COLEC12: variants seen among roughly 807,000 people sequenced by gnomAD.
COLEC12 encodes collectin subfamily member 12.
Under a neutral mutation model 71.1 loss-of-function variants are expected in COLEC12, and 33 were observed. The observed-to-expected ratio is 0.46, with a 90% CI of 0.35 to 0.62. The LOEUF (loss-of-function observed/expected upper bound fraction) is 0.62, where lower values mean the gene tolerates loss of function less well. Ranked by LOEUF, COLEC12 falls within the 20% of genes least tolerant of loss-of-function variation. COLEC12 has a pLI of 0.00. For missense variants in COLEC12, 765 were observed against 916.1 expected, an observed-to-expected ratio of 0.84 and a Z score of 2.13; for synonymous variants, 350 against 353.0, an observed-to-expected ratio of 0.99 and a Z score of 0.10.
In COLEC12 at chr18:327,991, T is replaced by C. The variant is rs1319707481; in HGVS notation, c.2063+3677A>G. On this transcript the variant is annotated intron_variant, in intron 8 of 9. Transcript: ENST00000400256. The surrounding 1 kb of genome is among the most constrained non-coding windows in gnomAD (Gnocchi z 4.0). ...CTTTGTTATTAGGCTGGCCAGGCTA[T>C]TTCTTCCTTTTTTTTTCCTCGTTTT... Among the ~76,000 whole-genome samples the C allele has an allele frequency of 6.6e-6, 1 of 152,158 alleles. No homozygotes were observed. Among genetic ancestry groups the C allele is most frequent in the Non-Finnish European group, 1.5e-5 (1 of 68,020 alleles).
chr18:351,114 C>A (rs694372), intron 3 of COLEC12, among the ~76,000 whole-genome samples: 88,879 of 151,962 alleles, frequency 0.58, 26,708 homozygotes, highest in African/African-American at 0.67. Flanking sequence ...GTAGTAAGTT[C>A]CCATGTGTTT....
At chr18:359,159 A>G (rs554867471) in intron 2 of COLEC12, among the ~76,000 whole-genome samples, 68 of 152,202 alleles carry the variant, frequency 4.5e-4, no homozygotes, top group Non-Finnish European at 9.1e-4. Flanking sequence ...GTTGGTTCCT[A>G]CTGGCTTGTA....
intron 8 of COLEC12, among the ~76,000 whole-genome samples, chr18:331,358 T>C (rs894717176): frequency 5.3e-5 from 8 of 152,212 alleles, no homozygotes; most frequent in African/African-American, 9.6e-5. Flanking sequence ...TCTTTTCCCA[T>C]AGCATTTAAA....
At chr18:439,893 A>C (rs1916480498) in intron 2 of COLEC12, among the ~76,000 whole-genome samples, 1 of 152,208 alleles carries the variant, frequency 6.6e-6, no homozygotes, top group African/African-American at 2.4e-5. Flanking sequence ...CTGCACTCCC[A>C]TGTTCATTGC....
chr18:412,789 G>A (rs571762284), intron 2 of COLEC12, among the ~76,000 whole-genome samples: 2 of 152,184 alleles, frequency 1.3e-5, no homozygotes, highest in East Asian at 3.9e-4. Flanking sequence ...AGCACCTAAA[G>A]CAACCACTAA....
chr18:431,792 G>A (rs1567906154), intron 2 of COLEC12, among the ~76,000 whole-genome samples: 1 of 152,202 alleles, frequency 6.6e-6, no homozygotes, highest in African/African-American at 2.4e-5. Context: ...GAAAGCAGTA[G>A]CGGCAGTAGA....
intron 2 of COLEC12, among the ~76,000 whole-genome samples, chr18:375,382 C>T (rs1363435875): frequency 1.3e-5 from 2 of 152,122 alleles, no homozygotes; most frequent in East Asian, 1.9e-4. Context: ...TCCCTTTTTT[C>T]GGGTTTTTAC....
At chr18:468,969 A>G (rs1056471183) in intron 2 of COLEC12, among the ~76,000 whole-genome samples, 20 of 152,274 alleles carry the variant, frequency 1.3e-4, no homozygotes, top group Non-Finnish European at 2.4e-4. Context: ...ATTAATCAGC[A>G]GAGTGGCTTC....
chr18:386,335 T>C (rs940607552), intron 2 of COLEC12, among the ~76,000 whole-genome samples: 3 of 152,210 alleles, frequency 2.0e-5, no homozygotes, highest in African/African-American at 7.2e-5. Context: ...ACGTGGTCAC[T>C]GCCATCTTGG....
intron 2 of COLEC12, among the ~76,000 whole-genome samples, chr18:465,256 C>T (rs1315696125): frequency 6.6e-6 from 1 of 152,116 alleles, no homozygotes; most frequent in South Asian, 2.1e-4. Context: ...GCATGCACCA[C>T]CACACCTGGA....
Position 488,880 on chromosome 18 carries a change from A to AT in COLEC12, c.8-8124_8-8123insA, listed in dbSNP as rs1468644546. The stretch of plus-strand genomic sequence containing the variant: ...AGAGCAAGACTCTGTTTCAAAAAAA[A>AT]GAAAAAAAAAAGAAAAGAAAATCAA... On this transcript the variant is annotated intron_variant, in intron 1 of 9. Coordinates refer to ENST00000400256, the MANE Select transcript of COLEC12 (RefSeq NM_130386.3). Among the ~76,000 whole-genome samples the AT allele has an allele frequency of 1.5e-3, 130 of 88,772 alleles. 2 individuals are homozygous for AT. Among genetic ancestry groups the AT allele is most frequent in the African/African-American group, 6.0e-3 (123 of 20,596 alleles). The allele number at this position is 88,772 out of a possible 152,430, so 58.2% of individuals were successfully genotyped here. A position where few individuals can be genotyped will look rare whatever the true frequency, so the allele number is the denominator to read the frequency against.
intron 1 of COLEC12, among the ~76,000 whole-genome samples, chr18:497,383 G>GGGGTGTGT (rs373079894): frequency 3.4e-5 from 5 of 147,160 alleles, no homozygotes; most frequent in Admixed American, 6.7e-5. Context: ...TAAAGAATGG[G>GGGGTGTGT]GTGTGTGTGT....
intron 2 of COLEC12, among the ~76,000 whole-genome samples, chr18:410,278 A>G (rs1915867222): frequency 6.6e-6 from 1 of 152,204 alleles, no homozygotes; most frequent in African/African-American, 2.4e-5. Flanking sequence ...TTCCACTTGT[A>G]GAAGATGAAG....
intron 2 of COLEC12, among the ~76,000 whole-genome samples, chr18:413,149 G>A (rs546977527): frequency 1.6e-4 from 24 of 152,220 alleles, no homozygotes; most frequent in African/African-American, 3.4e-4. Flanking sequence ...TTAACTGAAC[G>A]ACAAAAATAC....
rs541999035 is a variant in COLEC12, at chr18:403,194, A to G, written c.59-45672T>C. Among the ~76,000 whole-genome samples, 27 of 152,316 alleles carry G rather than the reference A, an allele frequency of 1.8e-4. No individual in the cohort carries two copies. In the Middle Eastern group the frequency reaches 0.014, roughly 77 times the overall value. On this transcript the variant is annotated intron_variant, in intron 2 of 9. Transcript: ENST00000400256. Reference sequence around the variant, plus strand: ...ACTGGCAACATATTTCAGGACCTACATGATTTTCTCCATGGTTTGTTACAT... The same window carrying G: ...ACTGGCAACATATTTCAGGACCTACGTGATTTTCTCCATGGTTTGTTACAT...
chr18:400,984 C>T (rs4798135), intron 2 of COLEC12, among the ~76,000 whole-genome samples: 151,234 of 152,330 alleles, frequency 0.99, 75,082 homozygotes, highest in Middle Eastern at 1. Flanking sequence ...AAACTTTCCT[C>T]CTTCATTTTG....
chr18:393,607 C>T (rs1007407427), intron 2 of COLEC12, among the ~76,000 whole-genome samples: 2 of 152,212 alleles, frequency 1.3e-5, no homozygotes, highest in Admixed American at 6.5e-5. Context: ...CGTCTGCCTA[C>T]GCATGTTCCT....
chr18:378,668 G>A (rs548524182), intron 2 of COLEC12, among the ~76,000 whole-genome samples: 4 of 152,176 alleles, frequency 2.6e-5, no homozygotes, highest in Admixed American at 2.6e-4. Flanking sequence ...AGCCTATTGT[G>A]CTCTCCGTGA....
At chr18:391,719 A>G (rs1915467697) in intron 2 of COLEC12, among the ~76,000 whole-genome samples, 1 of 152,200 alleles carries the variant, frequency 6.6e-6, no homozygotes, top group Admixed American at 6.5e-5. Flanking sequence ...ATTCTCCACC[A>G]CACACCAAGT....
Sources: gnomAD v4.1 joint callset for allele counts (sites outside exome capture counted in the v4.1 genomes callset) on GRCh38, gnomAD v4.1.1 for gene constraint, Gnocchi (gnomAD v3.1) non-coding constraint, MANE v1.5 for transcripts, NCBI Gene and HGNC (gene_info 2026-07-23, HGNC 2026-07-21) for gene names.